Variants in SFI1 observed in about 807,000 individuals in gnomAD.
The protein encoded by SFI1 is SFI1 centrin binding protein.
A neutral mutation model predicts 207.5 loss-of-function variants in SFI1; 195 were observed. The observed-to-expected ratio is 0.94, with a 90% CI of 0.84 to 1.06. The LOEUF (loss-of-function observed/expected upper bound fraction) is 1.06. Ranked by LOEUF, SFI1 falls within the 50% of genes least tolerant of loss-of-function variation. The pLI is 0.00. For missense variants in SFI1, 1,634 were observed against 1,588.0 expected, an observed-to-expected ratio of 1.03 and a Z score of -0.49; for synonymous variants, 630 against 598.9, an observed-to-expected ratio of 1.05 and a Z score of -0.76.
At position 31,608,029 on chromosome 22, in the gene SFI1, CA is replaced by C. The variant is rs1303466073; in HGVS notation, c.2251del (p.Arg751GlyfsTer150). 1.2e-6 allele frequency: 2 copies of C among 1,613,602 alleles called. No individual in the cohort carries two copies. On this transcript the variant is annotated frameshift_variant, in exon 22 of 33. Transcript: ENST00000400288. LOFTEE classifies it high-confidence loss of function. ...TCTGGGAGGCCCAGAAGGTGCTGGA[CA>C]GGGGTAAGTGGGGCCCCAGAAGCAA... Reference protein sequence around the residue: ...AIWEAQKVLDRGCLRTWFQRW... With the variant: ...AIWEAQKVLDXGCLRTWFQRW...
chr22:31,529,409 C>T (rs915153466), intron 3 of SFI1, among the ~76,000 whole-genome samples: 1 of 152,064 alleles, frequency 6.6e-6, no homozygotes, highest in African/African-American at 2.4e-5. Flanking sequence ...GCCTGTAATC[C>T]CAGCTACTTG....
chr22:31,520,510 G>A (rs191405645), intron 2 of SFI1, among the ~76,000 whole-genome samples: 2 of 152,114 alleles, frequency 1.3e-5, no homozygotes, highest in East Asian at 1.9e-4. Context: ...TTCATTTCAA[G>A]TGTGCAATTC....
At chr22:31,514,581 A>G (rs890232717) in intron 2 of SFI1, among the ~76,000 whole-genome samples, 1 of 150,744 alleles carries the variant, frequency 6.6e-6, no homozygotes, top group South Asian at 2.1e-4. Context: ...TTTGATTACC[A>G]TCTTCCCAAT....
At chr22:31,561,028 C>T (rs1339407907) in intron 7 of SFI1, among the ~76,000 whole-genome samples, 1 of 152,142 alleles carries the variant, frequency 6.6e-6, no homozygotes, top group Non-Finnish European at 1.5e-5. Context: ...ACAAATCAAA[C>T]TGTGTAGGTC....
chr22:31,578,358 C>G, intron 10 of SFI1, 24 bp from the exon 11 acceptor site: 2 of 1,609,562 alleles, frequency 1.2e-6, no homozygotes, highest in Non-Finnish European at 1.7e-6. Context: ...CTTGTTGGGA[C>G]TGGAGGCCTT....
intron 14 of SFI1, among the ~76,000 whole-genome samples, chr22:31,589,181 A>T (rs1026348415): frequency 1.4e-5 from 2 of 138,796 alleles, no homozygotes; most frequent in African/African-American, 2.7e-5. Context: ...GGGGGAAGAG[A>T]GAGTGAGTGA....
At chr22:31,575,121 TG>T in intron 9 of SFI1, 109 bp from the exon 10 acceptor site, 1 of 606,244 alleles carries the variant, frequency 1.6e-6, no homozygotes, top group South Asian at 2.2e-5. Flanking sequence ...TGTGTGTGTG[TG>T]GCCTTGAACC....
rs1029813008 is a variant in SFI1 at position 31,574,255 on chromosome 22, T to A, written c.923-976T>A. On this transcript the variant is annotated intron_variant, in intron 9 of 32. Coordinates refer to ENST00000400288, the MANE Select transcript of SFI1 (RefSeq NM_001007467.3). ...GTCTCTTGGGAGAGTTTGAATATGT[T>A]CATTGGAGGATAGTGACCCCAGACC... 2.0e-5 allele frequency among the ~76,000 whole-genome samples: 3 copies of A among 152,202 alleles called. No individual in the cohort carries two copies. The East Asian group carries it at 5.8e-4, about 29-fold the overall frequency.
chr22:31,611,109 CA>C, intron 22 of SFI1, 33 bp from the exon 23 acceptor site: 1 of 1,614,100 alleles, frequency 6.2e-7, no homozygotes, highest in Non-Finnish European at 8.5e-7. Context: ...GGAAATCCCA[CA>C]AAACAGCAAA....
At chr22:31,523,469 A>G (rs1442932995) in intron 2 of SFI1, among the ~76,000 whole-genome samples, 4 of 152,220 alleles carry the variant, frequency 2.6e-5, no homozygotes, top group Non-Finnish European at 4.4e-5. Context: ...GGTTCCATAA[A>G]TTTATTTTAT....
chr22:31,507,482 A>G (rs553517453), intron 1 of SFI1, among the ~76,000 whole-genome samples: 23 of 152,210 alleles, frequency 1.5e-4, no homozygotes, highest in Non-Finnish European at 2.6e-4. Flanking sequence ...AAGCAATTGC[A>G]ACAGAATCAC....
intron 2 of SFI1, among the ~76,000 whole-genome samples, chr22:31,525,085 C>T (rs879313241): frequency 8.5e-5 from 13 of 152,130 alleles, no homozygotes; most frequent in Admixed American, 2.0e-4. Context: ...TGAGCCACCA[C>T]GCCCAGCCTG....
chr22:31,500,253 G>A (rs1483609998), intron 1 of SFI1, among the ~76,000 whole-genome samples: 12 of 134,458 alleles, frequency 8.9e-5, no homozygotes, highest in African/African-American at 3.1e-4. Context: ...AGCTGAGATC[G>A]CACCACAGAG....
intron 22 of SFI1, 71 bp downstream of exon 22, chr22:31,608,104 C>G: frequency 8.0e-7 from 1 of 1,255,466 alleles, no homozygotes. Context: ...ATCCCTGTGG[C>G]CCGCATAAGT....
chr22:31,519,015 C>G (rs774730701), intron 2 of SFI1, among the ~76,000 whole-genome samples: 1 of 152,126 alleles, frequency 6.6e-6, no homozygotes, highest in South Asian at 2.1e-4. Flanking sequence ...TGCCCTGTGC[C>G]CCTCTTCCCT....
At chr22:31,546,521 C>T (rs542381768) in intron 4 of SFI1, among the ~76,000 whole-genome samples, 25 of 151,600 alleles carry the variant, frequency 1.6e-4, no homozygotes, top group Non-Finnish European at 3.2e-4. Flanking sequence ...AGTAGAGATG[C>T]GGTTTCACCA....
chr22:31,613,317 A>G lies in SFI1; in HGVS notation c.2566-37A>G, dbSNP rs1045005106. On this transcript the variant is annotated intron_variant, in intron 25 of 32. Transcript: ENST00000400288. Reference sequence around the variant, plus strand: ...CCTGGTCTGTGGGGGAGCTCTAAGCAGGGAGACCTGGGCCTCACCTCCTGC... The same window carrying G: ...CCTGGTCTGTGGGGGAGCTCTAAGCGGGGAGACCTGGGCCTCACCTCCTGC... The G allele has an allele frequency of 3.7e-6, 6 of 1,603,308 alleles. No homozygotes were observed. The South Asian group carries it at 5.5e-5, about 15-fold the overall frequency.
chr22:31,507,210 C>T (rs1022506792), intron 1 of SFI1, among the ~76,000 whole-genome samples: 2 of 152,172 alleles, frequency 1.3e-5, no homozygotes, highest in Non-Finnish European at 2.9e-5. Flanking sequence ...TGCACACCTA[C>T]AACCATCTGA....
At chr22:31,547,468 G>T (rs558420403) in intron 5 of SFI1, among the ~76,000 whole-genome samples, 1 of 151,954 alleles carries the variant, frequency 6.6e-6, no homozygotes, top group Non-Finnish European at 1.5e-5. Context: ...GTGCCATCAC[G>T]CCTGGCTAAT....
Sources: allele counts gnomAD v4.1 joint callset (sites outside exome capture counted in the v4.1 genomes callset), GRCh38; gene constraint gnomAD v4.1.1; transcripts MANE v1.5; gene names NCBI Gene and HGNC (gene_info 2026-07-23, HGNC 2026-07-21).